LIPC: variants seen among roughly 807,000 people sequenced by gnomAD.
LIPC encodes hepatic triacylglycerol lipase.
Under a neutral mutation model 50.7 loss-of-function variants are expected in LIPC, and 44 were observed. That is an observed-to-expected ratio of 0.87 (90% CI 0.68 to 1.11). The LOEUF (loss-of-function observed/expected upper bound fraction) is 1.11, where lower values mean the gene tolerates loss of function less well. LIPC is among the 50% of genes most tolerant of loss of function. The pLI is 0.00. For missense variants in LIPC, 697 were observed against 648.2 expected (o/e 1.08, Z -0.82); for synonymous variants, 271 against 256.4 (o/e 1.06, Z -0.54).
At chr15:58,565,060 C>G in intron 8 of LIPC, 2 of 797,844 alleles carry the variant, frequency 2.5e-6, no homozygotes, top group Admixed American at 2.3e-5. Flanking sequence ...TGCCAGATGC[C>G]GGCCTGTGGC....
At chr15:58,517,025 T>C (rs1374123274) in intron 1 of LIPC, among the ~76,000 whole-genome samples, 1 of 152,254 alleles carries the variant, frequency 6.6e-6, no homozygotes, top group South Asian at 2.1e-4. Flanking sequence ...GCTTTAAAAC[T>C]TTGTTAGATG....
At chr15:58,565,171 G>A (rs1420253823) in intron 8 of LIPC, 1 of 1,534,082 alleles carries the variant, frequency 6.5e-7, no homozygotes, top group Non-Finnish European at 8.7e-7. Flanking sequence ...TCTGCCGTCT[G>A]CCAACAGATC....
At chr15:58,490,487 G>A (rs951810417) in intron 1 of LIPC, among the ~76,000 whole-genome samples, 7 of 152,104 alleles carry the variant, frequency 4.6e-5, no homozygotes, top group African/African-American at 7.2e-5. Flanking sequence ...ACTGAGAGCC[G>A]GCGCCGTTCG....
intron 1 of LIPC, among the ~76,000 whole-genome samples, chr15:58,512,925 A>G (rs112273040): frequency 2.0e-5 from 3 of 152,012 alleles, no homozygotes; most frequent in African/African-American, 7.2e-5. Flanking sequence ...TCCGCCTTTC[A>G]TCTCCATTAT....
intron 1 of LIPC, among the ~76,000 whole-genome samples, chr15:58,517,410 C>T (rs1449930019): frequency 6.6e-6 from 1 of 152,250 alleles, no homozygotes; most frequent in African/African-American, 2.4e-5. Flanking sequence ...GGCGACAGCC[C>T]TAAGTCTCTT....
intron 1 of LIPC, among the ~76,000 whole-genome samples, chr15:58,484,398 C>T (rs1170472427): frequency 3.9e-5 from 6 of 152,222 alleles, no homozygotes; most frequent in African/African-American, 1.4e-4. Flanking sequence ...CTAAACACAA[C>T]ATCATGGAGG....
At chr15:58,450,641 T>C (rs375888675) in intron 1 of LIPC, among the ~76,000 whole-genome samples, 62 of 152,324 alleles carry the variant, frequency 4.1e-4, no homozygotes, top group African/African-American at 1.5e-3. Context: ...GTTACATGGG[T>C]CTGGGACCAC....
chr15:58,495,825 T>G (rs1418339913), intron 1 of LIPC, among the ~76,000 whole-genome samples: 7 of 152,228 alleles, frequency 4.6e-5, no homozygotes, highest in Non-Finnish European at 1.0e-4. Context: ...CTTTGTTAAC[T>G]GATTACAGGT....
intron 1 of LIPC, among the ~76,000 whole-genome samples, chr15:58,480,579 G>A (rs1414148518): frequency 6.6e-6 from 1 of 152,200 alleles, no homozygotes; most frequent in Non-Finnish European, 1.5e-5. Context: ...TTACAGGTGT[G>A]AGCCACTGTG....
chr15:58,541,783 A>G lies in LIPC; in HGVS notation c.274-2A>G, dbSNP rs746269763. On this transcript the variant is annotated splice_acceptor_variant, in intron 2 of 8. Transcript: ENST00000299022. LOFTEE classifies it high-confidence loss of function. ...GCGACCCTCCCTCTGTCCCCTCCTCAGGTGGACGGCGTGCTAGAAAACTGG... is the reference window on the plus strand; with the variant it reads ...GCGACCCTCCCTCTGTCCCCTCCTCGGGTGGACGGCGTGCTAGAAAACTGG... The G allele has an allele frequency of 1.2e-6, 2 of 1,613,178 alleles. No individual in the cohort carries two copies. The highest frequency in any genetic ancestry group is 1.7e-6 in the Non-Finnish European group (2 of 1,179,788).
Position 58,523,027 on chromosome 15 carries a change from C to T in LIPC, c.89-15306C>T, listed in dbSNP as rs144123728. ...TGGGGAAGCATCAGTCTCTCCAGGG[C>T]CTCTGTGAAGCCCTGGGGCAGTAGG... On this transcript the variant is annotated intron_variant, in intron 1 of 8. Transcript: ENST00000299022. 5 of 152,448 alleles carry T rather than the reference C, an allele frequency of 3.3e-5. No homozygotes were observed. The East Asian group carries it at 9.7e-4, about 30-fold the overall frequency. The allele number at this position is 152,448 out of a possible 1,614,324, so 9.4% of individuals were successfully genotyped here.
At chr15:58,516,214 G>A (rs1454594687) in intron 1 of LIPC, among the ~76,000 whole-genome samples, 2 of 129,754 alleles carry the variant, frequency 1.5e-5, no homozygotes, top group Admixed American at 1.5e-4. Context: ...TGAGTATGCA[G>A]TTTGACTTTT....
At chr15:58,516,237 C>CTTTTTTTTTTTTTTTT in intron 1 of LIPC, among the ~76,000 whole-genome samples, 1 of 45,136 alleles carries the variant, frequency 2.2e-5, no homozygotes, top group Non-Finnish European at 4.1e-5. Flanking sequence ...CCTCTAGCTT[C>CTTTTTTTTTTTTTTTT]TTTTTTTTTT....
intron 1 of LIPC, among the ~76,000 whole-genome samples, chr15:58,499,092 T>C (rs184591187): frequency 2.0e-5 from 3 of 152,016 alleles, no homozygotes; most frequent in Non-Finnish European, 4.4e-5. Context: ...GTGGGAAGAA[T>C]GGAGAGACAG....
chr15:58,440,240 G>T (rs550537529), intron 1 of LIPC, among the ~76,000 whole-genome samples: 2 of 152,272 alleles, frequency 1.3e-5, no homozygotes, highest in Admixed American at 6.5e-5. Flanking sequence ...ACCCTGAGCG[G>T]CTCCTTGGCA....
intron 1 of LIPC, among the ~76,000 whole-genome samples, chr15:58,455,638 C>T (rs1159476693): frequency 2.0e-5 from 3 of 152,130 alleles, no homozygotes; most frequent in African/African-American, 4.8e-5. Context: ...ACCTGTCAGC[C>T]AACCTACACT....
At chr15:58,564,714 G>C (rs1894297933) in intron 8 of LIPC, among the ~76,000 whole-genome samples, 1 of 152,090 alleles carries the variant, frequency 6.6e-6, no homozygotes, top group African/African-American at 2.4e-5. Context: ...ATGACAGAGA[G>C]AGAGACTCCG....
chr15:58,530,936 A>C (rs1481677577), intron 1 of LIPC, among the ~76,000 whole-genome samples: 3 of 152,142 alleles, frequency 2.0e-5, no homozygotes, highest in African/African-American at 7.2e-5. Flanking sequence ...GTTGTTTCAG[A>C]TTTGGGGTTA....
intron 6 of LIPC, among the ~76,000 whole-genome samples, chr15:58,553,156 TG>T (rs1893821503): frequency 6.6e-6 from 1 of 152,196 alleles, no homozygotes; most frequent in South Asian, 2.1e-4. Flanking sequence ...ACTCAAACCC[TG>T]GGCTCTGTCT....
Sources: gnomAD v4.1 joint callset for allele counts (sites outside exome capture counted in the v4.1 genomes callset) on GRCh38, gnomAD v4.1.1 for gene constraint, MANE v1.5 for transcripts, NCBI Gene and HGNC (gene_info 2026-07-23, HGNC 2026-07-21) for gene names.